The following LDB2 variants were observed in gnomAD, a reference collection of about 807,000 sequenced individuals.
LDB2 encodes LIM domain-binding protein 2.
In LDB2, 12 loss-of-function variants were observed where a neutral mutation model predicts 44.3. That is an observed-to-expected ratio of 0.27 (90% confidence interval 0.17 to 0.44). The LOEUF is 0.44. Ranked by LOEUF, LDB2 falls within the 20% of genes least tolerant of loss-of-function variation. LDB2 has a pLI of 1.00. For missense variants in LDB2, 344 were observed against 473.5 expected, an observed-to-expected ratio of 0.73 and a Z score of 2.54; for synonymous variants, 164 against 174.8, an observed-to-expected ratio of 0.94 and a Z score of 0.49.
intron 1 of LDB2, among the ~76,000 whole-genome samples, chr4:16,848,762 A>G (rs1383809583): frequency 1.3e-5 from 2 of 152,182 alleles, no homozygotes; most frequent in African/African-American, 2.4e-5. Flanking sequence ...TTTGTCAGCC[A>G]TATCTGATAT....
intron 2 of LDB2, among the ~76,000 whole-genome samples, chr4:16,696,220 C>T (rs1553966648): frequency 6.6e-6 from 1 of 152,158 alleles, no homozygotes; most frequent in Non-Finnish European, 1.5e-5. Flanking sequence ...TGTAGCGGAA[C>T]AGTGAGTATC....
intron 1 of LDB2, among the ~76,000 whole-genome samples, chr4:16,780,869 A>G (rs1245182465): frequency 1.3e-5 from 2 of 152,152 alleles, no homozygotes; most frequent in Non-Finnish European, 2.9e-5. Flanking sequence ...AGCTTCTTGG[A>G]AGGTTAAGCA....
intron 5 of LDB2, among the ~76,000 whole-genome samples, chr4:16,538,976 C>T (rs1245726908): frequency 6.6e-6 from 1 of 152,196 alleles, no homozygotes; most frequent in African/African-American, 2.4e-5. Flanking sequence ...AATGCATCCT[C>T]AAGTCCTGAT....
chr4:16,842,559 A>C (rs1296296391), intron 1 of LDB2, among the ~76,000 whole-genome samples: 2 of 152,228 alleles, frequency 1.3e-5, no homozygotes, highest in Non-Finnish European at 1.5e-5. Flanking sequence ...AGATATTTTG[A>C]ATACACCCCA....
chr4:16,875,778 C>A (rs1474322604), intron 1 of LDB2, among the ~76,000 whole-genome samples: 1 of 152,150 alleles, frequency 6.6e-6, no homozygotes, highest in Non-Finnish European at 1.5e-5. Flanking sequence ...CAGCCAAAGG[C>A]ATGGTATAAC....
intron 1 of LDB2, among the ~76,000 whole-genome samples, chr4:16,822,666 C>T (rs1782320867): frequency 6.6e-6 from 1 of 151,984 alleles, no homozygotes; most frequent in South Asian, 2.1e-4. Flanking sequence ...AGGCACGTGC[C>T]ACCACGCCCG....
At chr4:16,871,646 C>T (rs1405577293) in intron 1 of LDB2, among the ~76,000 whole-genome samples, 1 of 136,296 alleles carries the variant, frequency 7.3e-6, no homozygotes, top group Non-Finnish European at 1.5e-5. Context: ...TTGAGACAGA[C>T]TCTCGCTCTG....
intron 2 of LDB2, among the ~76,000 whole-genome samples, chr4:16,650,831 T>C (rs756985142): frequency 1.3e-5 from 2 of 152,194 alleles, no homozygotes; most frequent in Non-Finnish European, 2.9e-5. Context: ...AAGACTGTCA[T>C]ATCAATGGTC....
intron 1 of LDB2, among the ~76,000 whole-genome samples, chr4:16,800,664 C>CTTTGTT (rs1416725129): frequency 6.6e-6 from 1 of 152,042 alleles, no homozygotes; most frequent in African/African-American, 2.4e-5. Context: ...GAAGACGTTT[C>CTTTGTT]TTTGTTTTTG....
At chr4:16,791,972 C>T (rs1276543648) in intron 1 of LDB2, among the ~76,000 whole-genome samples, 1 of 152,156 alleles carries the variant, frequency 6.6e-6, no homozygotes, top group African/African-American at 2.4e-5. Context: ...ACTTCCTGAT[C>T]CCCTTAATGT....
At chr4:16,844,785 A>T (rs368377429) in intron 1 of LDB2, among the ~76,000 whole-genome samples, 9 of 152,176 alleles carry the variant, frequency 5.9e-5, no homozygotes, top group African/African-American at 2.2e-4. Context: ...CATTTTGCAG[A>T]AGCCCTGAAA....
rs181153625 is a variant in LDB2, at chr4:16,642,940, T to G, written c.236-47065A>C. On this transcript the variant is annotated intron_variant, in intron 2 of 7. Coordinates refer to ENST00000304523, the MANE Select transcript of LDB2 (RefSeq NM_001290.5). The stretch of plus-strand genomic sequence containing the variant: ...TGGCAAGAAGATAGTCTTTTTAATT[T>G]TTTTCTTTTTAGGGAATGAGTATGT... 2.1e-3 allele frequency among the ~76,000 whole-genome samples: 314 copies of G among 152,306 alleles called. 2 individuals are homozygous for G. Among genetic ancestry groups the G allele is most frequent in the Middle Eastern group, 6.8e-3 (2 of 294 alleles).
intron 1 of LDB2, among the ~76,000 whole-genome samples, chr4:16,877,150 C>T (rs1024191495): frequency 7.2e-5 from 11 of 152,116 alleles, no homozygotes; most frequent in African/African-American, 2.4e-4. Flanking sequence ...AGATATGGTT[C>T]GAAAAAGAAA....
chr4:16,550,933 TA>T (rs1737439377), intron 5 of LDB2, among the ~76,000 whole-genome samples: 1 of 152,196 alleles, frequency 6.6e-6, no homozygotes, highest in Non-Finnish European at 1.5e-5. Context: ...CTTAAATGAA[TA>T]AAAGCAACAG....
rs551468786 is a variant in LDB2, at chr4:16,629,317, C to T, written c.236-33442G>A. On this transcript the variant is annotated intron_variant, in intron 2 of 7. Transcript: ENST00000304523. ...CAAGCTCCAAAAATGGACAGACTGC[C>T]TCCTCAAGTGGGTCCCTGACCCCCG... 3.2e-4 allele frequency among the ~76,000 whole-genome samples: 48 copies of T among 152,300 alleles called. 1 individual carries two copies. The South Asian group carries it at 7.3e-3, about 23-fold the overall frequency.
chr4:16,644,618 CG>C (rs1560739877), intron 2 of LDB2, among the ~76,000 whole-genome samples: 1 of 151,890 alleles, frequency 6.6e-6, no homozygotes, highest in Non-Finnish European at 1.5e-5. Flanking sequence ...TTAGTAGAGA[CG>C]GGGTTTCACC....
At chr4:16,527,993 T>C (rs2152294030) in intron 5 of LDB2, among the ~76,000 whole-genome samples, 1 of 128,366 alleles carries the variant, frequency 7.8e-6, no homozygotes, top group African/African-American at 2.9e-5. Context: ...TGTATATATA[T>C]ACATGTAATA....
intron 3 of LDB2, among the ~76,000 whole-genome samples, chr4:16,589,330 C>A (rs904498755): frequency 1.3e-5 from 2 of 152,034 alleles, no homozygotes; most frequent in Non-Finnish European, 2.9e-5. Flanking sequence ...TTCCGGAGGG[C>A]AATGTTTAAC....
intron 5 of LDB2, among the ~76,000 whole-genome samples, chr4:16,523,545 T>C (rs747614134): frequency 2.0e-5 from 3 of 152,320 alleles, no homozygotes; most frequent in Non-Finnish European, 4.4e-5. Context: ...AATGCCATAC[T>C]GCGACAGTCG....
Sources: allele counts gnomAD v4.1 joint callset (sites outside exome capture counted in the v4.1 genomes callset), GRCh38; gene constraint gnomAD v4.1.1; transcripts MANE v1.5; gene names NCBI Gene and HGNC (gene_info 2026-07-23, HGNC 2026-07-21).